Variants in PTK2B observed in about 807,000 individuals in gnomAD.
The protein encoded by PTK2B is protein tyrosine kinase 2 beta, also known as protein-tyrosine kinase 2-beta.
A neutral mutation model predicts 142.9 loss-of-function variants in PTK2B; 71 were observed. The ratio of observed to expected loss-of-function variants is 0.50; its 90% confidence interval spans 0.41 to 0.61. PTK2B has a LOEUF of 0.61. Ranked by LOEUF, PTK2B falls within the 20% of genes least tolerant of loss-of-function variation. The pLI, the probability that PTK2B is intolerant of heterozygous loss-of-function variation, is 0.00. For synonymous variants in PTK2B, 519 were observed against 503.4 expected (o/e 1.03, Z -0.42); for missense variants, 1,105 against 1,320.4 (o/e 0.84, Z 2.53).
intron 1 of PTK2B, among the ~76,000 whole-genome samples, chr8:27,386,953 T>C (rs1401960939): frequency 6.6e-6 from 1 of 152,112 alleles, no homozygotes; most frequent in Non-Finnish European, 1.5e-5. Context: ...AATCAAGTCC[T>C]ACATATCCAT....
intron 1 of PTK2B, among the ~76,000 whole-genome samples, chr8:27,391,861 T>G (rs1807745905): frequency 6.6e-6 from 1 of 152,250 alleles, no homozygotes. Context: ...ATTCTTTGAC[T>G]TTGATTGTGG....
intron 1 of PTK2B, among the ~76,000 whole-genome samples, chr8:27,366,630 G>T (rs1806033352): frequency 6.6e-6 from 1 of 152,226 alleles, no homozygotes; most frequent in Non-Finnish European, 1.5e-5. Flanking sequence ...CTGAGCCAGG[G>T]TTCCTGTGCA....
intron 1 of PTK2B, among the ~76,000 whole-genome samples, chr8:27,382,142 T>G (rs899623500): frequency 6.6e-6 from 1 of 152,180 alleles, no homozygotes; most frequent in African/African-American, 2.4e-5. Flanking sequence ...GAGAGGGGCT[T>G]TCCCCATGTT....
intron 27 of PTK2B, chr8:27,452,892 G>C (rs375353472): frequency 4.6e-5 from 27 of 586,218 alleles, no homozygotes; most frequent in African/African-American, 4.5e-4. Context: ...CTGGGACTTT[G>C]CCTTTTTCTT....
intron 1 of PTK2B, among the ~76,000 whole-genome samples, chr8:27,373,472 G>A (rs1806480697): frequency 6.6e-6 from 1 of 152,154 alleles, no homozygotes; most frequent in Non-Finnish European, 1.5e-5. Flanking sequence ...GCAGCTAGGA[G>A]AGGACCCGTT....
intron 2 of PTK2B, among the ~76,000 whole-genome samples, chr8:27,401,092 T>C (rs1196054654): frequency 6.6e-6 from 1 of 152,006 alleles, no homozygotes; most frequent in Non-Finnish European, 1.5e-5. Context: ...TGAGCCGAGA[T>C]CGTGCCATTG....
At chr8:27,330,770 C>A (rs1018104846) in intron 1 of PTK2B, among the ~76,000 whole-genome samples, 1 of 152,152 alleles carries the variant, frequency 6.6e-6, no homozygotes, top group Admixed American at 6.5e-5. Flanking sequence ...ATGCAGCGGG[C>A]AGGTTGGTGT....
chr8:27,311,534 A>C (rs1563449963), exon 1 of PTK2B: 2 of 455,860 alleles, frequency 4.4e-6, no homozygotes, highest in Non-Finnish European at 7.7e-6. Flanking sequence ...GTAGCACGGA[A>C]GGGTCTCCCA....
chr8:27,370,041 G>A (rs1274976171), intron 1 of PTK2B, among the ~76,000 whole-genome samples: 1 of 152,224 alleles, frequency 6.6e-6, no homozygotes, highest in Admixed American at 6.5e-5. Context: ...GCTTCAATGA[G>A]GCAACTGAGG....
rs1806821693 is a variant in PTK2B at position 27,378,630 on chromosome 8, TGTGTGTG to T, written c.-37-18917_-37-18911del. On this transcript the variant is annotated intron_variant, in intron 1 of 30. Coordinates refer to ENST00000346049, the MANE Select transcript of PTK2B (RefSeq NM_173176.3). ...GTGTGTGTGTGTGTGTGTGTGTGTG[TGTGTGTG>T]TGTGTGTGTGTGTACACAAGGCAAT... 2.7e-5 allele frequency among the ~76,000 whole-genome samples: 4 copies of T among 148,258 alleles called. 1 individual carries two copies. The highest frequency in any genetic ancestry group is 2.6e-4 in the Admixed American group (4 of 15,104).
chr8:27,424,300 AC>A (rs1809939603), intron 5 of PTK2B, among the ~76,000 whole-genome samples: 1 of 152,130 alleles, frequency 6.6e-6, no homozygotes, highest in Admixed American at 6.5e-5. Context: ...CCAAACTATT[AC>A]TGGTGGTGGC....
chr8:27,355,428 G>A (rs1805341027), intron 1 of PTK2B, among the ~76,000 whole-genome samples: 1 of 152,174 alleles, frequency 6.6e-6, no homozygotes, highest in African/African-American at 2.4e-5. Context: ...GCCTCTAGGA[G>A]CTGGAAAAGA....
intron 1 of PTK2B, among the ~76,000 whole-genome samples, chr8:27,338,785 G>A (rs1804227465): frequency 6.6e-6 from 1 of 152,156 alleles, no homozygotes; most frequent in African/African-American, 2.4e-5. Flanking sequence ...TCTCCTTTCT[G>A]ACAGATAATT....
chr8:27,365,060 A>G (rs1805935920), intron 1 of PTK2B, among the ~76,000 whole-genome samples: 1 of 152,176 alleles, frequency 6.6e-6, no homozygotes, highest in Non-Finnish European at 1.5e-5. Flanking sequence ...GATAGCTTTC[A>G]ACCCACGTCT....
Position 27,420,759 on chromosome 8 carries a change from ATCTTC to A in PTK2B, c.471+17_471+21del, listed in dbSNP as rs1223192488. 2 of 1,594,984 alleles carry A rather than the reference ATCTTC, an allele frequency of 1.3e-6. No individual in the cohort carries two copies. Among genetic ancestry groups the A allele is most frequent in the Non-Finnish European group, 1.7e-6 (2 of 1,163,126 alleles). ...TTTACCAACAGGTAAAAAGTACTTTATCTTCTTGCCCCGAGGCTCCCATTACACCT... is the reference window on the plus strand; with the variant it reads ...TTTACCAACAGGTAAAAAGTACTTTATTGCCCCGAGGCTCCCATTACACCT... On this transcript the variant is annotated intron_variant, in intron 4 of 30. Coordinates refer to ENST00000346049, the MANE Select transcript of PTK2B (RefSeq NM_173176.3).
intron 15 of PTK2B, 68 bp from the exon 16 acceptor site, chr8:27,437,054 G>A: frequency 2.0e-6 from 3 of 1,483,326 alleles, no homozygotes; most frequent in South Asian, 1.1e-5. Flanking sequence ...GCCATGGGGA[G>A]GCCAGGAGGG....
At chr8:27,316,633 T>G (rs1028037526) in intron 3 of PTK2B, among the ~76,000 whole-genome samples, 1 of 152,228 alleles carries the variant, frequency 6.6e-6, no homozygotes. Context: ...ATAATCGACC[T>G]TGTTCATCAG....
At chr8:27,318,317 T>A (rs1803135797) in intron 3 of PTK2B, among the ~76,000 whole-genome samples, 1 of 152,226 alleles carries the variant, frequency 6.6e-6, no homozygotes, top group Non-Finnish European at 1.5e-5. Flanking sequence ...GTTAAAATTA[T>A]GGAATTCGAC....
At chr8:27,412,871 C>T (rs1160911620) in intron 2 of PTK2B, among the ~76,000 whole-genome samples, 4 of 152,214 alleles carry the variant, frequency 2.6e-5, no homozygotes, top group African/African-American at 7.2e-5. Flanking sequence ...AGTCTGACCC[C>T]TCTCAGAGAC....
Sources: gnomAD v4.1 joint callset for allele counts (sites outside exome capture counted in the v4.1 genomes callset) on GRCh38, gnomAD v4.1.1 for gene constraint, MANE v1.5 for transcripts, NCBI Gene and HGNC (gene_info 2026-07-23, HGNC 2026-07-21) for gene names.